Variants in CTSB observed in about 807,000 individuals in gnomAD.
The protein encoded by CTSB is cathepsin B, also known as APP secretase.
In CTSB, 57 loss-of-function variants were observed where a neutral mutation model predicts 44.3. The ratio of observed to expected loss-of-function variants is 1.29; its 90% CI spans 1.04 to 1.60. The LOEUF (loss-of-function observed/expected upper bound fraction) is 1.60, where lower values mean the gene tolerates loss of function less well. CTSB is among the 40% of genes most tolerant of loss of function. The pLI, the probability that CTSB is intolerant of heterozygous loss-of-function variation, is 0.00. For missense variants in CTSB, 768 were observed against 443.0 expected (o/e 1.73, Z -6.59); for synonymous variants, 320 against 168.0 (o/e 1.91, Z -7.00).
rs28605689 is a variant in CTSB at position 11,853,378 on chromosome 8, A to G, written c.77T>C (p.Leu26Pro). Residue 26 changes from leucine to proline, a missense_variant, in exon 2 of 10, where the codon CTG becomes CCG. By Grantham distance (98) the Leu-to-Pro change is moderately conservative. Coordinates refer to ENST00000353047, the MANE Select transcript of CTSB (RefSeq NM_001908.5). ...NARSRPSFHP[L>P]SDELVNYVNK... ...GACATAGTTGACCAGCTCATCCGAC[A>G]GGGGATGGAAAGAGGGCCTGCTCCG... 529 of 1,612,350 alleles carry G rather than the reference A, an allele frequency of 3.3e-4. 2 individuals carry two copies. In the African/African-American group the frequency reaches 6.3e-3, roughly 19 times the overall value.
intron 1 of CTSB, among the ~76,000 whole-genome samples, chr8:11,858,713 G>C (rs1335690409): frequency 1.3e-5 from 2 of 152,180 alleles, no homozygotes; most frequent in East Asian, 1.9e-4. Flanking sequence ...CCTGACAGCA[G>C]TGGCAATCTC....
chr8:11,859,620 T>C (rs1816064359), intron 1 of CTSB, among the ~76,000 whole-genome samples: 1 of 150,798 alleles, frequency 6.6e-6, no homozygotes, highest in Non-Finnish European at 1.5e-5. Context: ...ATACAAAAAT[T>C]AGCCAGGCAC....
rs1321955948 is a variant in CTSB at position 11,852,604 on chromosome 8, A to C, written c.212+6T>G. ...ATTACAGCGGTGCAGAGGAGCAGGC[A>C]CTCACCTCTGGGGTGGCTTGGGCCC... On this transcript the variant is annotated splice_donor_region_variant and intron_variant, in intron 3 of 9. Coordinates refer to ENST00000353047, the MANE Select transcript of CTSB (RefSeq NM_001908.5). 3 of 1,608,884 alleles carry C rather than the reference A, an allele frequency of 1.9e-6. No homozygotes were observed. The African/African-American group carries it at 4.0e-5, about 22-fold the overall frequency.
At chr8:11,852,507 G>T in intron 3 of CTSB, 103 bp downstream of exon 3, 1 of 777,230 alleles carries the variant, frequency 1.3e-6, no homozygotes, top group Non-Finnish European at 2.1e-6. Flanking sequence ...TGGGCAGCAT[G>T]AGCCCTGCGG....
intron 1 of CTSB, among the ~76,000 whole-genome samples, chr8:11,863,929 C>G (rs146747164): frequency 0.019 from 2,887 of 152,170 alleles, 52 homozygotes; most frequent in Middle Eastern, 0.051. Flanking sequence ...CCACATGTGC[C>G]CTGCAGAAAC....
At chr8:11,851,016 C>A (rs371648344) in intron 3 of CTSB, 36 bp from the exon 4 acceptor site, 1 of 1,481,830 alleles carries the variant, frequency 6.7e-7, no homozygotes, top group African/African-American at 1.4e-5. Context: ...AAGCTCTGAT[C>A]CCACAACTCC....
chr8:11,853,505 C>G (rs760373587), intron 1 of CTSB, 26 bp from the exon 2 acceptor site: 5 of 1,592,944 alleles, frequency 3.1e-6, no homozygotes, highest in Non-Finnish European at 4.3e-6. Flanking sequence ...GGCATCAGGA[C>G]ACCTCTCTGT....
At chr8:11,852,506 T>G in intron 3 of CTSB, 104 bp downstream of exon 3, 2 of 772,034 alleles carry the variant, frequency 2.6e-6, no homozygotes, top group Non-Finnish European at 2.1e-6. Context: ...CTGGGCAGCA[T>G]GAGCCCTGCG....
At chr8:11,845,547 G>A (rs917030197) in intron 9 of CTSB, 114 bp downstream of exon 9, 2 of 1,309,736 alleles carry the variant, frequency 1.5e-6, no homozygotes, top group Admixed American at 2.5e-5. Flanking sequence ...CTCACAGCCT[G>A]GCCGTAGGTC....
intron 8 of CTSB, 128 bp from the exon 9 acceptor site, chr8:11,845,917 C>G: frequency 1.8e-6 from 2 of 1,091,228 alleles, no homozygotes; most frequent in South Asian, 1.9e-5. Flanking sequence ...GCTGCTCCAC[C>G]AGGAGGCTCC....
At chr8:11,859,475 T>C (rs1816037011) in intron 1 of CTSB, among the ~76,000 whole-genome samples, 1 of 152,096 alleles carries the variant, frequency 6.6e-6, no homozygotes, top group African/African-American at 2.4e-5. Context: ...AAAGAAGGCT[T>C]TCTGGCCAGG....
At chr8:11,860,600 G>C (rs1185015890) in intron 1 of CTSB, among the ~76,000 whole-genome samples, 3 of 151,988 alleles carry the variant, frequency 2.0e-5, no homozygotes, top group African/African-American at 4.8e-5. Flanking sequence ...CTCCACCTTG[G>C]GCAACAAGAG....
At chr8:11,851,830 C>G (rs1432129524) in intron 3 of CTSB, among the ~76,000 whole-genome samples, 2 of 152,060 alleles carry the variant, frequency 1.3e-5, no homozygotes, top group Admixed American at 1.3e-4. Context: ...CCACGCCTGG[C>G]AAAGTTTTTT....
chr8:11,855,505 T>C (rs967459106), intron 1 of CTSB, among the ~76,000 whole-genome samples: 2 of 151,746 alleles, frequency 1.3e-5, no homozygotes, highest in African/African-American at 4.8e-5. Flanking sequence ...GAAAATAAAG[T>C]TTTTTAAAAA....
chr8:11,852,838 A>G, intron 2 of CTSB, 143 bp from the exon 3 acceptor site: 2 of 694,592 alleles, frequency 2.9e-6, no homozygotes, highest in Middle Eastern at 2.9e-4. Flanking sequence ...ACTGGGGAAC[A>G]GCCCAGAGTG....
Position 11,844,346 on chromosome 8 carries a change from C to A in CTSB, c.*779G>T, listed in dbSNP as rs1812826883. ...AAGTTGGAGAAAACTTTTATTGGCA[C>A]AGGCATTCCTTGTTAACTTGACAGG... On this transcript the variant is annotated 3_prime_UTR_variant, in exon 10 of 10. Transcript: ENST00000353047. The A allele has an allele frequency of 6.6e-6, 1 of 152,202 alleles. No homozygotes were observed. The highest frequency in any genetic ancestry group is 1.5e-5 in the Non-Finnish European group (1 of 68,040). The allele number at this position is 152,202 out of a possible 1,614,324, so 9.4% of individuals were successfully genotyped here.
At chr8:11,866,960 G>A (rs1451423876) in intron 1 of CTSB, among the ~76,000 whole-genome samples, 3 of 152,210 alleles carry the variant, frequency 2.0e-5, no homozygotes, top group African/African-American at 7.2e-5. Flanking sequence ...TGTTTTTCCA[G>A]GCTACAAAAA....
At chr8:11,851,850 A>G (rs1157270532) in intron 3 of CTSB, among the ~76,000 whole-genome samples, 2 of 151,978 alleles carry the variant, frequency 1.3e-5, no homozygotes, top group Non-Finnish European at 2.9e-5. Context: ...TATTTTTAGT[A>G]GAGACGGGGT....
intron 9 of CTSB, 70 bp from the exon 10 acceptor site, chr8:11,845,292 A>G (rs527623896): frequency 6.6e-6 from 8 of 1,204,794 alleles, no homozygotes; most frequent in South Asian, 6.3e-5. Context: ...CTCATCCTTA[A>G]AAGACCTTAA....
Sources: allele counts gnomAD v4.1 joint callset (sites outside exome capture counted in the v4.1 genomes callset), GRCh38; gene constraint gnomAD v4.1.1; transcripts MANE v1.5; gene names NCBI Gene and HGNC (gene_info 2026-07-23, HGNC 2026-07-21).